The following AFG2A variants were observed in gnomAD, a reference collection of about 807,000 sequenced individuals.
The protein encoded by AFG2A is AAA ATPase AFG2A.
chr4:123,094,850 C>CCT, the AFG2A span, among the ~76,000 whole-genome samples: 2 of 151,344 alleles, frequency 1.3e-5, no homozygotes, highest in Non-Finnish European at 3.0e-5. Context: ...ACAAAACTCC[C>CCT]CTCACAAATT....
the AFG2A span, among the ~76,000 whole-genome samples, chr4:123,018,499 G>T: frequency 6.6e-6 from 1 of 152,156 alleles, no homozygotes; most frequent in Non-Finnish European, 1.5e-5. Flanking sequence ...CTGTCTGAAG[G>T]TAGGATAGTG....
At chr4:123,154,667 T>G in the AFG2A span, among the ~76,000 whole-genome samples, 1 of 152,348 alleles carries the variant, frequency 6.6e-6, no homozygotes, top group Non-Finnish European at 1.5e-5. Flanking sequence ...CACTTAAATT[T>G]CTTTGGACCT....
the AFG2A span, among the ~76,000 whole-genome samples, chr4:123,251,515 C>T: frequency 6.6e-6 from 1 of 152,022 alleles, no homozygotes; most frequent in Non-Finnish European, 1.5e-5. Context: ...CGACCTTGGG[C>T]CTCATTTTCT....
chr4:122,993,239 C>T, the AFG2A span, among the ~76,000 whole-genome samples: 7 of 152,132 alleles, frequency 4.6e-5, no homozygotes, highest in East Asian at 1.4e-3. Flanking sequence ...GTGATCTACT[C>T]TCTTCAGTCT....
the AFG2A span, among the ~76,000 whole-genome samples, chr4:123,001,238 A>C: frequency 6.6e-6 from 1 of 151,720 alleles, no homozygotes; most frequent in Admixed American, 6.6e-5. Flanking sequence ...AATTTTGTTC[A>C]TCCTTCCAAA....
chr4:123,152,752 G>C, the AFG2A span, among the ~76,000 whole-genome samples: 1 of 152,122 alleles, frequency 6.6e-6, no homozygotes, highest in African/African-American at 2.4e-5. Flanking sequence ...TGCGCTCCTT[G>C]GTACTTACCA....
the AFG2A span, among the ~76,000 whole-genome samples, chr4:123,236,845 C>T: frequency 6.6e-6 from 1 of 152,182 alleles, no homozygotes; most frequent in African/African-American, 2.4e-5. Flanking sequence ...GAACAAGATT[C>T]TTCTAGATGA....
chr4:123,084,590 A>ATATATGTG, the AFG2A span, among the ~76,000 whole-genome samples: 3 of 143,226 alleles, frequency 2.1e-5, no homozygotes, highest in East Asian at 6.0e-4. Context: ...GTATATATAT[A>ATATATGTG]TGTGTGTGTG....
At chr4:122,995,079 T>G in the AFG2A span, among the ~76,000 whole-genome samples, 56 of 152,326 alleles carry the variant, frequency 3.7e-4, no homozygotes, top group African/African-American at 1.3e-3. Context: ...TTGACTATAA[T>G]TATATTTCAT....
At chr4:123,311,050 C>T in the AFG2A span, among the ~76,000 whole-genome samples, 4 of 152,240 alleles carry the variant, frequency 2.6e-5, no homozygotes, top group African/African-American at 9.6e-5. Flanking sequence ...CTAGGTCATC[C>T]CTATCTCATC....
chr4:123,215,459 G>A, the AFG2A span, among the ~76,000 whole-genome samples: 1 of 152,052 alleles, frequency 6.6e-6, no homozygotes, highest in Non-Finnish European at 1.5e-5. Context: ...GGAAATCCTA[G>A]ATGTCATGGT....
chr4:123,213,693 T>A, the AFG2A span, among the ~76,000 whole-genome samples: 2 of 152,182 alleles, frequency 1.3e-5, no homozygotes, highest in Admixed American at 1.3e-4. Flanking sequence ...CTGGGGTAGC[T>A]TTCTCTTGTA....
At chr4:123,019,779 G>A in the AFG2A span, among the ~76,000 whole-genome samples, 132 of 152,082 alleles carry the variant, frequency 8.7e-4, no homozygotes, top group African/African-American at 3.1e-3. Flanking sequence ...GGACATTATT[G>A]CACTCATCTT....
At chr4:122,957,911 ATAAG>A in the AFG2A span, among the ~76,000 whole-genome samples, 1 of 151,062 alleles carries the variant, frequency 6.6e-6, no homozygotes, top group South Asian at 2.1e-4. Flanking sequence ...TAGGTGCTCA[ATAAG>A]TATTTGATTA....
the AFG2A span, among the ~76,000 whole-genome samples, chr4:123,019,736 T>C: frequency 1.3e-5 from 2 of 152,218 alleles, no homozygotes; most frequent in African/African-American, 4.8e-5. Context: ...TAGGATACTT[T>C]TCTTATTTCT....
chr4:123,157,710 C>T, the AFG2A span, among the ~76,000 whole-genome samples: 1 of 152,146 alleles, frequency 6.6e-6, no homozygotes, highest in Admixed American at 6.6e-5. Flanking sequence ...AAATCTCTAG[C>T]CACATTCACT....
At chr4:123,290,144 A>G in the AFG2A span, among the ~76,000 whole-genome samples, 1 of 152,126 alleles carries the variant, frequency 6.6e-6, no homozygotes, top group East Asian at 1.9e-4. Context: ...CTCATTCTTC[A>G]GGATGTCTGT....
At chr4:123,193,063 T>G in the AFG2A span, among the ~76,000 whole-genome samples, 1 of 152,226 alleles carries the variant, frequency 6.6e-6, no homozygotes, top group Admixed American at 6.5e-5. Flanking sequence ...AGAATATTAG[T>G]AAACTCCTTG....
chr4:123,082,787 T>G, the AFG2A span, among the ~76,000 whole-genome samples: 1 of 152,128 alleles, frequency 6.6e-6, no homozygotes, highest in Non-Finnish European at 1.5e-5. Context: ...TGTTGAGTCT[T>G]CCTTTCCATG....
Sources: allele counts gnomAD v4.1 joint callset (sites outside exome capture counted in the v4.1 genomes callset), GRCh38; gene constraint gnomAD v4.1.1; transcripts MANE v1.5; gene names NCBI Gene and HGNC (gene_info 2026-07-23, HGNC 2026-07-21).